PRKG1: variants seen among roughly 807,000 people sequenced by gnomAD.
The protein encoded by PRKG1 is protein kinase cGMP-dependent 1.
A neutral mutation model predicts 88.1 loss-of-function variants in PRKG1; 35 were observed. The observed-to-expected ratio is 0.40, with a 90% confidence interval of 0.30 to 0.53. The LOEUF is 0.53. Among genes scored for constraint, PRKG1 ranks in the 20% least tolerant of loss-of-function variants. The pLI is 0.59. For missense variants in PRKG1, 540 were observed against 839.8 expected, an observed-to-expected ratio of 0.64 and a Z score of 4.41; for synonymous variants, 303 against 292.5, an observed-to-expected ratio of 1.04 and a Z score of -0.37.
intron 2 of PRKG1, among the ~76,000 whole-genome samples, chr10:51,270,728 G>A (rs1311002962): frequency 6.6e-6 from 1 of 152,026 alleles, no homozygotes; most frequent in African/African-American, 2.4e-5. Flanking sequence ...CTTCCCATCC[G>A]ATCTGCACCA....
At chr10:51,070,091 A>G (rs938071320), upstream of PRKG1, among the ~76,000 whole-genome samples, 1 of 152,148 alleles carries the variant, frequency 6.6e-6, no homozygotes, top group Non-Finnish European at 1.5e-5. Context: ...CTGGATACAG[A>G]ATAGGACAGT....
intron 3 of PRKG1, among the ~76,000 whole-genome samples, chr10:51,649,522 T>C (rs1306441171): frequency 6.6e-6 from 1 of 152,200 alleles, no homozygotes; most frequent in African/African-American, 2.4e-5. Context: ...CTTTCTGTGT[T>C]ATTATTCTGA....
intron 2 of PRKG1, among the ~76,000 whole-genome samples, chr10:51,156,472 G>A (rs756369743): frequency 2.0e-5 from 3 of 151,746 alleles, no homozygotes; most frequent in Non-Finnish European, 4.4e-5. Flanking sequence ...TAAACAGCAC[G>A]TTATCTTAAT....
chr10:51,300,069 C>CTGGTTTAGTTT (rs1840840785), intron 2 of PRKG1, among the ~76,000 whole-genome samples: 2 of 152,186 alleles, frequency 1.3e-5, no homozygotes, highest in Admixed American at 1.3e-4. Flanking sequence ...TGAAACTAAA[C>CTGGTTTAGTTT]CACAGTTGAT....
chr10:51,211,083 C>T (rs566330890), intron 2 of PRKG1, among the ~76,000 whole-genome samples: 4 of 152,220 alleles, frequency 2.6e-5, no homozygotes, highest in African/African-American at 4.8e-5. Context: ...ACTGGCAAAA[C>T]GAATCCAGCA....
intron 3 of PRKG1, among the ~76,000 whole-genome samples, chr10:51,533,872 AG>A (rs1156402405): frequency 1.3e-5 from 2 of 152,198 alleles, no homozygotes; most frequent in Middle Eastern, 3.2e-3. Flanking sequence ...TAGAATCGGA[AG>A]GTTACAAGAA....
intron 3 of PRKG1, among the ~76,000 whole-genome samples, chr10:51,618,433 C>T (rs141771682): frequency 6.6e-6 from 1 of 152,158 alleles, no homozygotes; most frequent in Non-Finnish European, 1.5e-5. Flanking sequence ...CAGAGCCAAG[C>T]CTTCAAGAAA....
At chr10:52,204,644 T>G (rs1839767843) in intron 9 of PRKG1, among the ~76,000 whole-genome samples, 1 of 152,248 alleles carries the variant, frequency 6.6e-6, no homozygotes, top group Non-Finnish European at 1.5e-5. Flanking sequence ...TGTGATTTCC[T>G]ATGCCGGTCT....
intron 8 of PRKG1, among the ~76,000 whole-genome samples, chr10:52,140,331 C>T (rs528710429): frequency 6.6e-6 from 1 of 151,940 alleles, no homozygotes; most frequent in African/African-American, 2.4e-5. Context: ...CCCATGGTGT[C>T]TTCCAGTGCT....
chr10:52,272,445 G>C lies in PRKG1; in HGVS notation c.1367G>C (p.Cys456Ser). 2 of 1,611,402 alleles carry C rather than the reference G, an allele frequency of 1.2e-6. No homozygotes were observed. The highest frequency in any genetic ancestry group is 1.7e-6 in the Non-Finnish European group (2 of 1,178,146). ...SKYLYMLMEA[C>S]LGGELWTILR... ...TATTTGTATATGTTGATGGAAGCTT[G>C]TCTAGGTGGAGAGCTCTGGACCATT... is the stretch of plus-strand genomic sequence containing the variant. Residue 456 changes from cysteine (C) to serine (S), a missense_variant, in exon 12 of 18, where the codon TGT (cysteine) becomes TCT (serine). By Grantham distance (112) the Cys-to-Ser change is moderately radical (BLOSUM62 -1). Coordinates refer to ENST00000373980, the MANE Select transcript of PRKG1 (RefSeq NM_006258.4).
chr10:51,225,415 G>T (rs1380482672), intron 2 of PRKG1, among the ~76,000 whole-genome samples: 1 of 152,120 alleles, frequency 6.6e-6, no homozygotes, highest in Non-Finnish European at 1.5e-5. Context: ...AGTCCATTGT[G>T]CACACCAAAT....
chr10:51,678,500 T>C (rs897869662), intron 3 of PRKG1, among the ~76,000 whole-genome samples: 2 of 152,296 alleles, frequency 1.3e-5, no homozygotes, highest in East Asian at 1.9e-4. Flanking sequence ...TCCTTGTTTT[T>C]GATAAGTTTA....
At chr10:51,292,697 T>G (rs1475726154) in intron 2 of PRKG1, among the ~76,000 whole-genome samples, 1 of 152,174 alleles carries the variant, frequency 6.6e-6, no homozygotes, top group Non-Finnish European at 1.5e-5. Context: ...ATTTTACGTT[T>G]TATGTTTTTC....
intron 17 of PRKG1, among the ~76,000 whole-genome samples, chr10:52,291,747 T>C (rs1446380563): frequency 1.0e-4 from 15 of 147,814 alleles, no homozygotes; most frequent in East Asian, 3.9e-4. Context: ...GCATGATTTA[T>C]AGTCATTTGG....
intron 1 of PRKG1, among the ~76,000 whole-genome samples, chr10:51,091,818 T>C (rs1844404688): frequency 6.6e-6 from 1 of 152,172 alleles, no homozygotes; most frequent in Admixed American, 6.6e-5. Flanking sequence ...ATAAAAGTTC[T>C]GAAATATAGG....
intron 5 of PRKG1, among the ~76,000 whole-genome samples, chr10:52,036,711 C>A (rs1469112639): frequency 6.6e-6 from 1 of 152,204 alleles, no homozygotes; most frequent in East Asian, 1.9e-4. Flanking sequence ...GTCAGGGAAG[C>A]AGACAATTTA....
In PRKG1 at chr10:52,282,182, A is replaced by T; in HGVS notation, c.1575A>T (p.Gly525=). 1 of 1,605,946 alleles carries T rather than the reference A, an allele frequency of 6.2e-7. No homozygotes were observed. Among genetic ancestry groups the T allele is most frequent in the South Asian group, 1.1e-5 (1 of 89,708 alleles). The change falls in exon 14 of 18, where the codon GGA becomes GGT. Residue 525 remains glycine (G), a synonymous_variant. Coordinates refer to ENST00000373980, the MANE Select transcript of PRKG1 (RefSeq NM_006258.4). ...ATTTTGGCTTTGCAAAGAAAATAGG[A>T]TTTGGAAAGAAAACATGGACTTTTT... ...LVDFGFAKKI[G]FGKKTWTFCG...
intron 2 of PRKG1, among the ~76,000 whole-genome samples, chr10:51,281,984 A>C (rs1283197702): frequency 6.6e-6 from 1 of 152,158 alleles, no homozygotes; most frequent in Non-Finnish European, 1.5e-5. Context: ...ATGTTTAACA[A>C]TCTCCCCAGA....
chr10:51,737,730 TTTATTTATTAATTA>T (rs1156273292), intron 3 of PRKG1, among the ~76,000 whole-genome samples: 2 of 112,354 alleles, frequency 1.8e-5, no homozygotes, highest in African/African-American at 3.8e-5. Context: ...TATTTATTTA[TTTATTTATTAATTA>T]TTATTATTAT....
Sources: gnomAD v4.1 joint callset for allele counts (sites outside exome capture counted in the v4.1 genomes callset) on GRCh38, gnomAD v4.1.1 for gene constraint, MANE v1.5 for transcripts, NCBI Gene and HGNC (gene_info 2026-07-23, HGNC 2026-07-21) for gene names.